Variants in VDAC2 observed in about 807,000 individuals in gnomAD.
The protein encoded by VDAC2 is non-selective voltage-gated ion channel VDAC2.
In VDAC2, 6 loss-of-function variants were observed where a neutral mutation model predicts 36.6. The ratio of observed to expected loss-of-function variants is 0.16; its 90% confidence interval spans 0.09 to 0.32. The LOEUF is 0.32. Among genes scored for constraint, VDAC2 ranks in the 10% least tolerant of loss-of-function variants. The pLI, the probability that VDAC2 is intolerant of heterozygous loss-of-function variation, is 1.00. For missense variants in VDAC2, 247 were observed against 346.0 expected, an observed-to-expected ratio of 0.71 and a Z score of 2.27; for synonymous variants, 109 against 123.8, an observed-to-expected ratio of 0.88 and a Z score of 0.79.
intron 4 of VDAC2, among the ~76,000 whole-genome samples, chr10:75,216,459 TC>T (rs994833772): frequency 3.9e-5 from 6 of 152,330 alleles, no homozygotes; most frequent in African/African-American, 1.4e-4. Context: ...ATGTTTTTAT[TC>T]ACATTTAATA....
At chr10:75,210,723 G>A, upstream of VDAC2, 1 of 159,254 alleles carries the variant, frequency 6.3e-6, no homozygotes, top group Non-Finnish European at 1.4e-5. Flanking sequence ...GCAGGTTGGA[G>A]TTGGCAGCGG....
intron 8 of VDAC2, among the ~76,000 whole-genome samples, chr10:75,228,347 C>G (rs991141308): frequency 1.3e-5 from 2 of 152,096 alleles, no homozygotes; most frequent in Admixed American, 6.5e-5. Flanking sequence ...TGCCCTCAGC[C>G]ACCTGGGCTT....
At chr10:75,218,698 G>A (rs897588734) in intron 4 of VDAC2, among the ~76,000 whole-genome samples, 2 of 151,864 alleles carry the variant, frequency 1.3e-5, no homozygotes, top group African/African-American at 4.8e-5. Flanking sequence ...GAAGGCGGAG[G>A]TTGCAGTATG....
intron 9 of VDAC2, 86 bp from the exon 10 acceptor site, chr10:75,230,812 G>A: frequency 6.8e-6 from 8 of 1,170,948 alleles, no homozygotes; most frequent in Middle Eastern, 3.9e-4. Flanking sequence ...GGCAGGCTCT[G>A]GGGATGACTG....
chr10:75,211,530 A>G (rs1398156466), intron 2 of VDAC2: 1 of 1,547,556 alleles, frequency 6.5e-7, no homozygotes, highest in Non-Finnish European at 8.7e-7. Flanking sequence ...CTCTTGTGAG[A>G]GCGCAAGGTC....
At chr10:75,230,470 A>T (rs985033775) in intron 9 of VDAC2, among the ~76,000 whole-genome samples, 6 of 152,176 alleles carry the variant, frequency 3.9e-5, no homozygotes, top group African/African-American at 1.4e-4. Context: ...TTTTCTTTAT[A>T]AGCACAATAC....
rs1841671547 is a variant in VDAC2 at position 75,218,338 on chromosome 10, A to G, written c.151-725A>G. On this transcript the variant is annotated intron_variant, in intron 4 of 9. Coordinates refer to ENST00000332211, the MANE Select transcript of VDAC2 (RefSeq NM_001391963.1). ...GCTGAGCTGGTTTCTTAATTTTTGT[A>G]GAGACATGGTCTTGCTATGTTGCCC... 2 of 152,398 alleles carry G rather than the reference A, an allele frequency of 1.3e-5. 1 individual carries two copies. Among genetic ancestry groups the G allele is most frequent in the South Asian group, 4.1e-4 (2 of 4,908 alleles). 9.4% of individuals were successfully genotyped at this position (152,398 alleles called of 1,614,324 possible).
chr10:75,212,926 C>G (rs180931013), intron 3 of VDAC2, among the ~76,000 whole-genome samples: 144 of 152,176 alleles, frequency 9.5e-4, no homozygotes, highest in African/African-American at 3.3e-3. Flanking sequence ...TTTGTGGTGA[C>G]TCCTAATACT....
chr10:75,222,482 T>A, intron 8 of VDAC2, 80 bp downstream of exon 8: 1 of 1,547,026 alleles, frequency 6.5e-7, no homozygotes, highest in Non-Finnish European at 8.8e-7. Flanking sequence ...TGTTGAAAAT[T>A]TGAACTGATT....
intron 3 of VDAC2, among the ~76,000 whole-genome samples, chr10:75,212,554 G>A (rs1241341243): frequency 6.6e-6 from 1 of 152,074 alleles, no homozygotes. Context: ...AAGTAGCTGG[G>A]ACTACAGGCA....
At chr10:75,229,889 T>C (rs901826856) in intron 9 of VDAC2, among the ~76,000 whole-genome samples, 188 bp downstream of exon 9, 9 of 151,576 alleles carry the variant, frequency 5.9e-5, no homozygotes, top group Non-Finnish European at 1.3e-4. Flanking sequence ...TGCTGGGCCA[T>C]TTGGTCATGA....
chr10:75,222,114 CT>C, intron 7 of VDAC2, 137 bp from the exon 8 acceptor site: 1 of 905,014 alleles, frequency 1.1e-6, no homozygotes, highest in East Asian at 2.7e-5. Flanking sequence ...CCTGTTAAAA[CT>C]TGCAAGTTTT....
At chr10:75,222,979 C>CTTTTTTTT (rs34279627) in intron 8 of VDAC2, among the ~76,000 whole-genome samples, 10 of 137,996 alleles carry the variant, frequency 7.2e-5, no homozygotes, top group Admixed American at 1.5e-4. Flanking sequence ...ATCACTTTGT[C>CTTTTTTTT]TTTTTTTTTT....
rs1241721479 is a variant in VDAC2 at position 75,210,796 on chromosome 10, A to C, written c.-168A>C. ...GGGCAGCGGCGGGGTCCTGTCTGGGAGAGGACAGGGTTGCGGCGGGCGGAA... is the reference window on the plus strand; with the variant it reads ...GGGCAGCGGCGGGGTCCTGTCTGGGCGAGGACAGGGTTGCGGCGGGCGGAA... On this transcript the variant is annotated 5_prime_UTR_variant, in exon 1 of 10. Coordinates refer to ENST00000332211, the MANE Select transcript of VDAC2 (RefSeq NM_001391963.1). 4.8e-6 allele frequency: 1 copy of C among 206,384 alleles called. No homozygotes were observed. The highest frequency in any genetic ancestry group is 9.7e-6 in the Non-Finnish European group (1 of 103,546). The allele number at this position is 206,384 out of a possible 1,614,324, so 12.8% of individuals were successfully genotyped here. A position where few individuals can be genotyped will look rare whatever the true frequency, so the allele number is the denominator to read the frequency against.
At chr10:75,213,389 T>A (rs1450335847) in intron 3 of VDAC2, among the ~76,000 whole-genome samples, 1 of 152,192 alleles carries the variant, frequency 6.6e-6, no homozygotes, top group East Asian at 1.9e-4. Context: ...CATATCATGA[T>A]AAGTTATTAG....
intron 8 of VDAC2, among the ~76,000 whole-genome samples, chr10:75,227,576 A>AGTTT (rs1841989654): frequency 2.3e-4 from 21 of 90,776 alleles, no homozygotes; most frequent in African/African-American, 1.1e-3. Context: ...AAATAATAGG[A>AGTTT]ATTTTTTTTT....
chr10:75,211,425 A>T, intron 2 of VDAC2: 1 of 1,468,306 alleles, frequency 6.8e-7, no homozygotes, highest in Non-Finnish European at 9.0e-7. Flanking sequence ...CAGCCTTTGT[A>T]CATGTCTTTG....
At chr10:75,211,736 G>A in intron 2 of VDAC2, 1 of 1,507,450 alleles carries the variant, frequency 6.6e-7, no homozygotes, top group South Asian at 1.2e-5. Context: ...TTTTTTCCAA[G>A]TTTCAATATT....
At chr10:75,216,521 A>G (rs982994621) in intron 4 of VDAC2, among the ~76,000 whole-genome samples, 3 of 152,214 alleles carry the variant, frequency 2.0e-5, no homozygotes, top group Non-Finnish European at 4.4e-5. Flanking sequence ...CTCTGGCCCC[A>G]GATAAGTCCC....
Sources: gnomAD v4.1 joint callset for allele counts (sites outside exome capture counted in the v4.1 genomes callset) on GRCh38, gnomAD v4.1.1 for gene constraint, MANE v1.5 for transcripts, NCBI Gene and HGNC (gene_info 2026-07-23, HGNC 2026-07-21) for gene names.